SYNRG: variants seen among roughly 807,000 people sequenced by gnomAD.
SYNRG encodes synergin gamma.
Under a neutral mutation model 130.9 loss-of-function variants are expected in SYNRG, and 37 were observed. The observed-to-expected ratio is 0.28, with a 90% CI of 0.22 to 0.37. The LOEUF (loss-of-function observed/expected upper bound fraction) is 0.37. Among genes scored for constraint, SYNRG ranks in the 10% least tolerant of loss-of-function variants. SYNRG has a pLI of 1.00. For synonymous variants in SYNRG, 539 were observed against 568.1 expected (o/e 0.95, Z 0.73); for missense variants, 1,338 against 1,588.9 (o/e 0.84, Z 2.68).
intron 19 of SYNRG, among the ~76,000 whole-genome samples, chr17:37,520,936 A>G (rs1203985457): frequency 6.6e-6 from 1 of 151,966 alleles, no homozygotes; most frequent in Non-Finnish European, 1.5e-5. Flanking sequence ...TACTTGGGGG[A>G]AGTCCTGAGT....
chr17:37,553,473 T>C lies in SYNRG; in HGVS notation c.2250A>G (p.Gln750=). The C allele has an allele frequency of 3.7e-6, 6 of 1,614,170 alleles. No individual in the cohort carries two copies. Among genetic ancestry groups the C allele is most frequent in the South Asian group, 2.2e-5 (2 of 91,082 alleles). Residue 750 remains glutamine, a synonymous_variant, in exon 14 of 22, where the codon CAA becomes CAG. Coordinates refer to ENST00000612223, the MANE Select transcript of SYNRG (RefSeq NM_007247.6). ...CTAGTCCAGACCCTTCCAGAGAAAG[T>C]TGTCTGAAGACATCGTACTTGGTAG... ...AASTKYDVFR[Q]LSLEGSGLGV...
chr17:37,553,423 G>C lies in SYNRG; in HGVS notation c.2300C>G (p.Thr767Ser), dbSNP rs1349258087. Residue 767 changes from threonine (T) to serine (S), a missense_variant, in exon 14 of 22, where the codon ACT becomes AGT. Physicochemically the swap from Thr to Ser is moderately conservative, Grantham distance 58. This residue lies in a region of SYNRG where 1,146 missense variants were observed against 1,342.3 expected (regional missense o/e 0.85). Transcript: ENST00000612223. ...ATCATCATCACTTTTTCCTGAAGGA[G>C]TGTTATCTTTCAGGTCTTCAACACC... ...GLGVEDLKDN[T>S]PSGKSDDDFA... 5.6e-6 allele frequency: 9 copies of C among 1,614,218 alleles called. No homozygotes were observed. The highest frequency in any genetic ancestry group is 7.6e-6 in the Non-Finnish European group (9 of 1,180,036).
chr17:37,584,770 A>G lies in SYNRG; in HGVS notation c.478-11T>C. On this transcript the variant is annotated splice_polypyrimidine_tract_variant and intron_variant, in intron 5 of 21. Coordinates refer to ENST00000612223, the MANE Select transcript of SYNRG (RefSeq NM_007247.6). ...ACTCTTCTCTCCTGTCTAAGAGACA[A>G]CAAATATATGCGTATTTCTTTACTT... 1 of 1,588,534 alleles carries G rather than the reference A, an allele frequency of 6.3e-7. No homozygotes were observed. The highest frequency in any genetic ancestry group is 1.3e-5 in the African/African-American group (1 of 74,600).
intron 14 of SYNRG, among the ~76,000 whole-genome samples, chr17:37,548,780 G>A (rs1356258201): frequency 6.8e-6 from 1 of 147,260 alleles, no homozygotes; most frequent in African/African-American, 2.5e-5. Context: ...ATCCAAGATT[G>A]CGCCATTCCA....
intron 13 of SYNRG, among the ~76,000 whole-genome samples, chr17:37,560,061 C>T (rs924626355): frequency 6.6e-6 from 1 of 152,010 alleles, no homozygotes; most frequent in Non-Finnish European, 1.5e-5. Flanking sequence ...CCATATCTGG[C>T]TTATTTTTTA....
intron 11 of SYNRG, among the ~76,000 whole-genome samples, chr17:37,563,843 C>T (rs907923874): frequency 6.0e-5 from 9 of 151,214 alleles, no homozygotes; most frequent in Admixed American, 5.3e-4. Flanking sequence ...GCCTTCCCCG[C>T]CAGCTTTTTT....
chr17:37,584,912 T>C (rs931559061), intron 5 of SYNRG, among the ~76,000 whole-genome samples, 153 bp from the exon 6 acceptor site: 7 of 152,214 alleles, frequency 4.6e-5, no homozygotes, highest in African/African-American at 1.7e-4. Context: ...AAGACATTGG[T>C]AAATGATTAA....
chr17:37,525,699 G>A (rs923312400), intron 19 of SYNRG, among the ~76,000 whole-genome samples: 1 of 152,214 alleles, frequency 6.6e-6, no homozygotes, highest in African/African-American at 2.4e-5. Flanking sequence ...CGGGAGCGGT[G>A]GCTCACACCT....
At chr17:37,575,638 T>C (rs200347176) in intron 8 of SYNRG, among the ~76,000 whole-genome samples, 1 of 151,752 alleles carries the variant, frequency 6.6e-6, no homozygotes, top group Non-Finnish European at 1.5e-5. Context: ...CCCAGGAGTT[T>C]GAGACCAGCC....
In SYNRG at chr17:37,553,693, C is replaced by T. The variant is rs1423585493; in HGVS notation, c.2030G>A (p.Gly677Glu). The change falls in exon 14 of 22, where the codon GGG (glycine) becomes GAG (glutamate). Residue 677 changes from glycine (G) to glutamate (E), a missense_variant. Physicochemically the swap from Gly to Glu is moderately conservative, Grantham distance 98 (BLOSUM62 -2). Transcript: ENST00000612223. The part of the protein sequence containing the change: ...ADDFGEFSLF[G>E]EYSGLAPVGE... ...AACAGGTGCTAGACCAGAATATTCC[C>T]CAAAAAGGCTGAATTCTCCAAAATC... The T allele has an allele frequency of 6.2e-7, 1 of 1,613,432 alleles. No homozygotes were observed. The highest frequency in any genetic ancestry group is 1.1e-5 in the South Asian group (1 of 90,854).
chr17:37,546,096 T>C (rs572709611), intron 14 of SYNRG, among the ~76,000 whole-genome samples: 16 of 152,200 alleles, frequency 1.1e-4, no homozygotes, highest in Non-Finnish European at 1.9e-4. Flanking sequence ...TTCTAAGCAG[T>C]CCACTTATCG....
intron 11 of SYNRG, among the ~76,000 whole-genome samples, chr17:37,566,073 A>G (rs1390787257): frequency 1 from 150,278 of 150,446 alleles, 75,056 homozygotes; most frequent in Middle Eastern, 1. Context: ...GCCTCTGCCC[A>G]GCCACCCCTA....
chr17:37,528,716 A>G (rs1568272606), intron 19 of SYNRG, among the ~76,000 whole-genome samples: 1 of 152,210 alleles, frequency 6.6e-6, no homozygotes, highest in Non-Finnish European at 1.5e-5. Flanking sequence ...TGTCATTTAC[A>G]TTTATGCAGC....
chr17:37,524,461 G>A (rs1401688912), intron 19 of SYNRG, among the ~76,000 whole-genome samples: 3 of 152,256 alleles, frequency 2.0e-5, no homozygotes, highest in African/African-American at 7.2e-5. Context: ...GCAGGGGAAG[G>A]AAGAACACAC....
intron 2 of SYNRG, among the ~76,000 whole-genome samples, chr17:37,598,133 G>A (rs2062939876): frequency 6.6e-6 from 1 of 152,116 alleles, no homozygotes; most frequent in African/African-American, 2.4e-5. Context: ...CACTCTCATG[G>A]AACTTACACT....
At chr17:37,565,725 G>A (rs1210034939) in intron 11 of SYNRG, among the ~76,000 whole-genome samples, 1 of 150,014 alleles carries the variant, frequency 6.7e-6, no homozygotes, top group African/African-American at 2.5e-5. Context: ...GAGCGCCTCT[G>A]CCCGGCCGCG....
intron 11 of SYNRG, among the ~76,000 whole-genome samples, chr17:37,564,192 C>G (rs1210822114): frequency 6.6e-6 from 1 of 152,124 alleles, no homozygotes; most frequent in Non-Finnish European, 1.5e-5. Context: ...TGTCCCATAT[C>G]TGCTTTGTTG....
intron 3 of SYNRG, among the ~76,000 whole-genome samples, chr17:37,593,385 C>T (rs1368347961): frequency 6.6e-6 from 1 of 151,982 alleles, no homozygotes; most frequent in Non-Finnish European, 1.5e-5. Flanking sequence ...TGCACTCCAG[C>T]CTGGGCAACA....
intron 19 of SYNRG, among the ~76,000 whole-genome samples, chr17:37,531,828 A>AC (rs770722179): frequency 4.6e-5 from 7 of 152,066 alleles, no homozygotes; most frequent in Admixed American, 6.6e-5. Context: ...ACACATCCCT[A>AC]ATATCATTTT....
Sources: allele counts gnomAD v4.1 joint callset (sites outside exome capture counted in the v4.1 genomes callset), GRCh38; gene constraint gnomAD v4.1.1; regional missense constraint gnomAD v4.1.1; transcripts MANE v1.5; gene names NCBI Gene and HGNC (gene_info 2026-07-23, HGNC 2026-07-21).